Variants in ATXN1 observed in about 807,000 individuals in gnomAD.
ATXN1 encodes the protein ataxin 1.
ATXN1 carries 8 observed loss-of-function variants against 56.4 expected under a neutral mutation model. That is an observed-to-expected ratio of 0.14 (90% confidence interval 0.08 to 0.26). The LOEUF (loss-of-function observed/expected upper bound fraction) is 0.26, where lower values mean the gene tolerates loss of function less well. Ranked by LOEUF, ATXN1 falls within the 10% of genes least tolerant of loss-of-function variation. The probability of loss-of-function intolerance (pLI) is 1.00; values close to 1 mark genes in which losing one functional copy is unlikely to be tolerated. For synonymous variants in ATXN1, 514 were observed against 494.6 expected (o/e 1.04, Z -0.52); for missense variants, 987 against 1,106.5 (o/e 0.89, Z 1.53).
chr6:16,729,828 C>A (rs1419422468), intron 2 of ATXN1, among the ~76,000 whole-genome samples: 1 of 152,178 alleles, frequency 6.6e-6, no homozygotes, highest in Non-Finnish European at 1.5e-5. Context: ...GAGAAAATGG[C>A]CCTCTGAACA....
chr6:16,368,920 T>C (rs564735408), intron 6 of ATXN1, among the ~76,000 whole-genome samples: 17 of 152,364 alleles, frequency 1.1e-4, no homozygotes, highest in Non-Finnish European at 1.8e-4. Context: ...TACTTCAATA[T>C]GTGTGCAAGA....
rs7774508 is a variant in ATXN1 at position 16,735,014 on chromosome 6, T to C, written c.-615+18219A>G. On this transcript the variant is annotated intron_variant, in intron 2 of 7. Transcript: ENST00000436367. The stretch of plus-strand genomic sequence containing the variant: ...TTCTATTTTACTGTATTTTATTTTA[T>C]ATTTAGTAAAAACAATTTTTGAACA... Among the ~76,000 whole-genome samples, 1,191 of 152,360 alleles carry C rather than the reference T, an allele frequency of 7.8e-3. 15 individuals are homozygous for C. The highest frequency in any genetic ancestry group is 0.026 in the African/African-American group (1,084 of 41,582).
chr6:16,404,306 A>T (rs1211334927), intron 6 of ATXN1, among the ~76,000 whole-genome samples: 9 of 152,216 alleles, frequency 5.9e-5, no homozygotes, highest in Admixed American at 5.9e-4. Flanking sequence ...AACATAACAA[A>T]GGAAGTACTG....
At chr6:16,438,462 T>C (rs1352918116) in intron 6 of ATXN1, among the ~76,000 whole-genome samples, 2 of 152,236 alleles carry the variant, frequency 1.3e-5, no homozygotes, top group Non-Finnish European at 2.9e-5. Context: ...GTGCCAGCTT[T>C]GAGTCAGGTT....
chr6:16,759,530 G>GC (rs1760994213), intron 1 of ATXN1, among the ~76,000 whole-genome samples: 2 of 45,926 alleles, frequency 4.4e-5, no homozygotes, highest in Non-Finnish European at 8.6e-5. Flanking sequence ...TCTTCCGACT[G>GC]TTTTTTTTTT....
rs199678584 is a variant in ATXN1 at position 16,420,952 on chromosome 6, GA to G, written c.-161+65019del. ...ATAATGTCTCTGCGGTTTTGTAGTT[GA>G]TTTTCCCCATCTGACCCTGACTTAC... On this transcript the variant is annotated intron_variant, in intron 6 of 7. Transcript: ENST00000436367. 3.4e-3 allele frequency among the ~76,000 whole-genome samples: 522 copies of G among 152,260 alleles called. 4 individuals are homozygous for G. Among genetic ancestry groups the G allele is most frequent in the African/African-American group, 0.012 (487 of 41,558 alleles).
At chr6:16,533,757 C>CAT (rs1469366865) in intron 4 of ATXN1, among the ~76,000 whole-genome samples, 1 of 152,166 alleles carries the variant, frequency 6.6e-6, no homozygotes, top group Admixed American at 6.5e-5. Flanking sequence ...CTTCGTCACG[C>CAT]ATATAACTGC....
At chr6:16,352,995 C>A (rs1386070173) in intron 6 of ATXN1, among the ~76,000 whole-genome samples, 1 of 152,130 alleles carries the variant, frequency 6.6e-6, no homozygotes, top group Non-Finnish European at 1.5e-5. Context: ...AGGTGACTCA[C>A]CGGCGGGGAG....
At chr6:16,527,748 G>C (rs1761422525) in intron 4 of ATXN1, among the ~76,000 whole-genome samples, 1 of 152,176 alleles carries the variant, frequency 6.6e-6, no homozygotes, top group African/African-American at 2.4e-5. Flanking sequence ...AGCAGTGGAT[G>C]GAGTCAGAGA....
chr6:16,660,232 C>A (rs571749360), intron 2 of ATXN1, among the ~76,000 whole-genome samples: 1 of 152,322 alleles, frequency 6.6e-6, no homozygotes, highest in South Asian at 2.1e-4. Context: ...TGTCACCTAT[C>A]CCTTCTTGTT....
chr6:16,412,211 A>G (rs1270396774), intron 6 of ATXN1, among the ~76,000 whole-genome samples: 1 of 152,220 alleles, frequency 6.6e-6, no homozygotes, highest in Non-Finnish European at 1.5e-5. Flanking sequence ...TTTGTTGTGC[A>G]TGTTTTTAGG....
chr6:16,469,596 T>C lies in ATXN1; in HGVS notation c.-161+16376A>G, dbSNP rs534655585. On this transcript the variant is annotated intron_variant, in intron 6 of 7. Coordinates refer to ENST00000436367, the MANE Select transcript of ATXN1 (RefSeq NM_001128164.2). ...TAGGCAGAAAGTCTACCTACAGTTC[T>C]ATCATGAAAAAAGGTTCAAAGTGGG... Among the ~76,000 whole-genome samples, 3 of 152,326 alleles carry C rather than the reference T, an allele frequency of 2.0e-5. No individual in the cohort carries two copies. In the East Asian group the frequency reaches 5.8e-4, roughly 29 times the overall value.
chr6:16,583,384 G>T (rs1762561405), intron 4 of ATXN1, among the ~76,000 whole-genome samples: 1 of 152,206 alleles, frequency 6.6e-6, no homozygotes, highest in East Asian at 1.9e-4. Flanking sequence ...TTACGATGGA[G>T]CCAAAGGGTC....
chr6:16,594,761 G>C (rs7763707), intron 3 of ATXN1, among the ~76,000 whole-genome samples: 12,514 of 152,140 alleles, frequency 0.082, 1,680 homozygotes, highest in African/African-American at 0.28. Flanking sequence ...GATTACAGGC[G>C]TGAGCCACCG....
At chr6:16,739,511 T>A in intron 2 of ATXN1, 1 of 231,854 alleles carries the variant, frequency 4.3e-6, no homozygotes, top group Admixed American at 4.4e-5. Flanking sequence ...GGAAAAAAAA[T>A]GGATGGGTGC....
intron 2 of ATXN1, among the ~76,000 whole-genome samples, chr6:16,697,165 A>G (rs1759182291): frequency 6.6e-6 from 1 of 152,228 alleles, no homozygotes; most frequent in Admixed American, 6.5e-5. Context: ...CAGAACATAT[A>G]TTAGTTAATT....
At chr6:16,482,645 T>A (rs908162199) in intron 6 of ATXN1, among the ~76,000 whole-genome samples, 4 of 152,196 alleles carry the variant, frequency 2.6e-5, no homozygotes, top group African/African-American at 9.7e-5. Flanking sequence ...CCTGTTTATT[T>A]TCAAAAGGAC....
chr6:16,489,207 C>T (rs1435092891), intron 5 of ATXN1, among the ~76,000 whole-genome samples: 2 of 152,138 alleles, frequency 1.3e-5, no homozygotes, highest in African/African-American at 4.8e-5. Context: ...TTGCAACCTC[C>T]TAACAGCATC....
At chr6:16,385,125 G>A (rs9464883) in intron 6 of ATXN1, among the ~76,000 whole-genome samples, 17,778 of 152,090 alleles carry the variant, frequency 0.12, 1,098 homozygotes, top group African/African-American at 0.14. Context: ...AGACAGAGGA[G>A]GGAGCTCATG....
Sources: allele counts gnomAD v4.1 joint callset (sites outside exome capture counted in the v4.1 genomes callset), GRCh38; gene constraint gnomAD v4.1.1; transcripts MANE v1.5; gene names NCBI Gene and HGNC (gene_info 2026-07-23, HGNC 2026-07-21).